RASA2: variants seen among roughly 807,000 people sequenced by gnomAD.
RASA2 encodes RAS p21 protein activator 2, also known as ras GTPase-activating protein 2.
RASA2 carries 155 observed loss-of-function variants against 118.2 expected under a neutral mutation model. That is an observed-to-expected ratio of 1.31 (90% CI 1.15 to 1.50). The LOEUF (loss-of-function observed/expected upper bound fraction) is 1.50, where lower values mean the gene tolerates loss of function less well. RASA2 is among the 40% of genes most tolerant of loss of function. The pLI, the probability that RASA2 is intolerant of heterozygous loss-of-function variation, is 0.00. For synonymous variants in RASA2, 353 were observed against 349.1 expected, an observed-to-expected ratio of 1.01 and a Z score of -0.12; for missense variants, 1,016 against 1,009.6, an observed-to-expected ratio of 1.01 and a Z score of -0.09.
At chr3:141,600,697 C>A in intron 19 of RASA2, 1 of 154,178 alleles carries the variant, frequency 6.5e-6, no homozygotes. Context: ...TTTGATCTGC[C>A]TTTTAGATAA....
chr3:141,521,477 A>G (rs1017074165), intron 3 of RASA2, among the ~76,000 whole-genome samples: 2 of 152,054 alleles, frequency 1.3e-5, no homozygotes, highest in Non-Finnish European at 2.9e-5. Flanking sequence ...ATGTTTAGTA[A>G]TTTTCGTCTC....
intron 4 of RASA2, among the ~76,000 whole-genome samples, chr3:141,538,871 A>G (rs2082366071): frequency 6.6e-6 from 1 of 152,318 alleles, no homozygotes; most frequent in Admixed American, 6.5e-5. Flanking sequence ...GACTTGCTAT[A>G]ATACTATGAT....
intron 3 of RASA2, among the ~76,000 whole-genome samples, chr3:141,521,806 T>TGC (rs2082115125): frequency 6.6e-6 from 1 of 152,100 alleles, no homozygotes; most frequent in Non-Finnish European, 1.5e-5. Flanking sequence ...TACATACCCT[T>TGC]TAAGGTTGGA....
intron 3 of RASA2, among the ~76,000 whole-genome samples, chr3:141,518,598 T>C (rs1056901722): frequency 6.6e-6 from 1 of 150,692 alleles, no homozygotes; most frequent in Non-Finnish European, 1.5e-5. Flanking sequence ...AAATGGTCTG[T>C]GTCAGTCCTC....
intron 5 of RASA2, among the ~76,000 whole-genome samples, chr3:141,547,445 T>G (rs1488990823): frequency 6.6e-6 from 1 of 152,186 alleles, no homozygotes; most frequent in African/African-American, 2.4e-5. Context: ...CTATTTTGTT[T>G]TATTTGTAGC....
intron 5 of RASA2, among the ~76,000 whole-genome samples, chr3:141,548,156 GT>G (rs1415092180): frequency 1.3e-5 from 2 of 152,184 alleles, no homozygotes; most frequent in Non-Finnish European, 2.9e-5. Context: ...TTTTTTTGAT[GT>G]ATCTCTCTCT....
At chr3:141,544,313 A>G (rs2082452043) in intron 5 of RASA2, among the ~76,000 whole-genome samples, 1 of 152,234 alleles carries the variant, frequency 6.6e-6, no homozygotes, top group Admixed American at 6.5e-5. Context: ...GGAATTTTCA[A>G]CCATTATTTC....
chr3:141,536,644 A>G (rs1489405346), intron 4 of RASA2, among the ~76,000 whole-genome samples: 1 of 152,234 alleles, frequency 6.6e-6, no homozygotes, highest in African/African-American at 2.4e-5. Flanking sequence ...ACATTTTCTG[A>G]CATACATGAA....
At chr3:141,603,461 C>T (rs545960600) in intron 19 of RASA2, among the ~76,000 whole-genome samples, 90 of 152,104 alleles carry the variant, frequency 5.9e-4, no homozygotes, top group African/African-American at 2.0e-3. Flanking sequence ...ATCCCAGCTA[C>T]TCAGGAGGCT....
At chr3:141,536,761 C>CTT (rs778644144) in intron 4 of RASA2, among the ~76,000 whole-genome samples, 63 of 127,460 alleles carry the variant, frequency 4.9e-4, no homozygotes, top group African/African-American at 1.2e-3. Flanking sequence ...TTGTTAGATT[C>CTT]TTTTTTTTTT....
At chr3:141,504,389 C>T (rs1396353816) in intron 1 of RASA2, among the ~76,000 whole-genome samples, 1 of 152,180 alleles carries the variant, frequency 6.6e-6, no homozygotes, top group Non-Finnish European at 1.5e-5. Context: ...ATATTCAATA[C>T]AGTCTCTTGA....
intron 3 of RASA2, among the ~76,000 whole-genome samples, chr3:141,526,927 T>C (rs1227093906): frequency 6.6e-6 from 1 of 152,188 alleles, no homozygotes; most frequent in Non-Finnish European, 1.5e-5. Flanking sequence ...ATATTACCTG[T>C]GTGACTAAGA....
chr3:141,500,870 A>G (rs563579686), intron 1 of RASA2, among the ~76,000 whole-genome samples: 1 of 151,624 alleles, frequency 6.6e-6, no homozygotes, highest in South Asian at 2.1e-4. Context: ...TTTATTTTTT[A>G]TTTTTTTTGT....
chr3:141,611,005 A>G (rs770251405), intron 23 of RASA2, among the ~76,000 whole-genome samples: 21 of 151,914 alleles, frequency 1.4e-4, no homozygotes, highest in Admixed American at 1.4e-3. Flanking sequence ...TGCAATGGAT[A>G]ACAACAGCAA....
At chr3:141,535,784 T>G (rs1358961183) in intron 4 of RASA2, among the ~76,000 whole-genome samples, 1 of 152,094 alleles carries the variant, frequency 6.6e-6, no homozygotes, top group Non-Finnish European at 1.5e-5. Context: ...GACGCACTTA[T>G]CACCAAGGGG....
At chr3:141,533,065 C>T (rs1165137653) in intron 4 of RASA2, among the ~76,000 whole-genome samples, 1 of 152,110 alleles carries the variant, frequency 6.6e-6, no homozygotes, top group African/African-American at 2.4e-5. Flanking sequence ...TCTTCCTCTG[C>T]TTCTCTGTAA....
intron 11 of RASA2, among the ~76,000 whole-genome samples, chr3:141,571,935 C>T (rs527854515): frequency 1.3e-5 from 2 of 150,968 alleles, no homozygotes; most frequent in Non-Finnish European, 3.0e-5. Context: ...TTCTCATTCA[C>T]GTCATAGTCT....
intron 5 of RASA2, among the ~76,000 whole-genome samples, chr3:141,551,799 C>T (rs1489769398): frequency 6.6e-6 from 1 of 151,990 alleles, no homozygotes; most frequent in Non-Finnish European, 1.5e-5. Context: ...TTATTCTGAA[C>T]TGTTTATAAT....
intron 19 of RASA2, among the ~76,000 whole-genome samples, chr3:141,593,346 C>T (rs944080947): frequency 1.3e-5 from 2 of 152,086 alleles, no homozygotes; most frequent in African/African-American, 2.4e-5. Flanking sequence ...TGCGCCCGGC[C>T]TAAGATTTAT....
Sources: allele counts gnomAD v4.1 joint callset (sites outside exome capture counted in the v4.1 genomes callset), GRCh38; gene constraint gnomAD v4.1.1; transcripts MANE v1.5; gene names NCBI Gene and HGNC (gene_info 2026-07-23, HGNC 2026-07-21).